GPR158: variants seen among roughly 807,000 people sequenced by gnomAD.
GPR158 encodes the protein metabotropic glycine receptor.
Under a neutral mutation model 78.2 loss-of-function variants are expected in GPR158, and 30 were observed. The observed-to-expected ratio is 0.38, with a 90% CI of 0.29 to 0.52. The LOEUF (loss-of-function observed/expected upper bound fraction) is 0.52. Ranked by LOEUF, GPR158 falls within the 20% of genes least tolerant of loss-of-function variation. GPR158 has a pLI of 0.83. For missense variants in GPR158, 1,463 were observed against 1,523.5 expected, an observed-to-expected ratio of 0.96 and a Z score of 0.66; for synonymous variants, 581 against 591.1, an observed-to-expected ratio of 0.98 and a Z score of 0.25.
rs200629030 is a variant in GPR158, at chr10:25,572,813, G to A, written c.1679G>A (p.Gly560Asp). 7.4e-6 allele frequency: 12 copies of A among 1,613,916 alleles called. No individual in the cohort carries two copies. Among genetic ancestry groups the A allele is most frequent in the Non-Finnish European group, 1.0e-5 (12 of 1,179,888 alleles). ...QNLEKQISLI[G>D]QGKTSDHLIF... is the part of the protein sequence containing the mutation. ...TTGGAGAAACAGATTTCACTTATTG[G>A]CCAGGGGAAAACATCCGATCACCTC... The change falls in exon 7 of 11, where the codon GGC becomes GAC. Residue 560 changes from glycine to aspartate, a missense_variant. Physicochemically the swap from Gly to Asp is moderately conservative, Grantham distance 94. Transcript: ENST00000376351.
chr10:25,294,012 G>C (rs1400833339), intron 2 of GPR158, among the ~76,000 whole-genome samples: 1 of 152,044 alleles, frequency 6.6e-6, no homozygotes, highest in Non-Finnish European at 1.5e-5. Flanking sequence ...CCCAAAGTGC[G>C]GGATTACAGG....
intron 6 of GPR158, among the ~76,000 whole-genome samples, chr10:25,559,355 G>A (rs1836831936): frequency 6.6e-6 from 1 of 152,064 alleles, no homozygotes; most frequent in South Asian, 2.1e-4. Flanking sequence ...TATTCAGTGG[G>A]GTAAGACACT....
intron 1 of GPR158, among the ~76,000 whole-genome samples, chr10:25,214,119 C>G (rs1220026087): frequency 2.0e-5 from 3 of 151,902 alleles, no homozygotes; most frequent in Non-Finnish European, 4.4e-5. Context: ...CTCAGCTTCC[C>G]GAGTAGCTGG....
intron 5 of GPR158, among the ~76,000 whole-genome samples, chr10:25,520,949 C>T (rs1407162181): frequency 6.6e-6 from 1 of 152,160 alleles, no homozygotes; most frequent in Admixed American, 6.5e-5. Flanking sequence ...CAATGGCGGG[C>T]GCCCCTCCCC....
At chr10:25,453,237 A>C (rs972989711) in intron 4 of GPR158, among the ~76,000 whole-genome samples, 3 of 152,178 alleles carry the variant, frequency 2.0e-5, no homozygotes, top group Non-Finnish European at 2.9e-5. Flanking sequence ...TTGAATATAT[A>C]TCTGTTAGTG....
chr10:25,550,516 C>T (rs988451788), intron 5 of GPR158, among the ~76,000 whole-genome samples: 16 of 152,028 alleles, frequency 1.1e-4, no homozygotes, highest in African/African-American at 3.4e-4. Flanking sequence ...GGACTATCCT[C>T]ACTTGTTCGT....
At chr10:25,417,031 A>G (rs531353289) in intron 4 of GPR158, among the ~76,000 whole-genome samples, 4 of 150,004 alleles carry the variant, frequency 2.7e-5, no homozygotes, top group African/African-American at 7.3e-5. Flanking sequence ...AAATGGGAGG[A>G]AAAAAAAAAT....
chr10:25,180,052 G>A (rs946578999), intron 1 of GPR158, among the ~76,000 whole-genome samples: 2 of 152,022 alleles, frequency 1.3e-5, no homozygotes, highest in African/African-American at 4.8e-5. Context: ...AGGGTTTGTT[G>A]AATTTAAAAG....
Position 25,422,124 on chromosome 10 carries a change from A to C in GPR158, c.1335+9651A>C, listed in dbSNP as rs1303688844. Among the ~76,000 whole-genome samples, 6 of 152,204 alleles carry C rather than the reference A, an allele frequency of 3.9e-5. No homozygotes were observed. In the South Asian group the frequency reaches 1.0e-3, roughly 26 times the overall value. On this transcript the variant is annotated intron_variant, in intron 4 of 10. Transcript: ENST00000376351. ...TCACCCACCACCGACTGTTGCTTCT[A>C]TATGGCAACAACGTGGCTCTGGGCA... is the stretch of plus-strand genomic sequence containing the variant.
intron 1 of GPR158, among the ~76,000 whole-genome samples, chr10:25,202,826 C>T (rs1299481843): frequency 9.2e-5 from 14 of 152,184 alleles, no homozygotes; most frequent in Non-Finnish European, 1.8e-4. Context: ...TGAGGAATCA[C>T]CACACTGTCT....
In GPR158 at chr10:25,601,756, C is replaced by T. The variant is rs1837501933; in HGVS notation, c.*2482C>T. 6.6e-6 allele frequency: 1 copy of T among 152,584 alleles called. No individual in the cohort carries two copies. Among genetic ancestry groups the T allele is most frequent in the African/African-American group, 2.4e-5 (1 of 41,422 alleles). 9.5% of individuals were successfully genotyped at this position (152,584 alleles called of 1,614,324 possible). On this transcript the variant is annotated 3_prime_UTR_variant, in exon 11 of 11. Transcript: ENST00000376351. ...GAAAGTGAATAAACACTTTTAAGGT[C>T]GCAAACATTTGCTAGGTTGTCCTTC...
intron 5 of GPR158, among the ~76,000 whole-genome samples, chr10:25,525,638 G>A (rs535110466): frequency 6.6e-6 from 1 of 152,276 alleles, no homozygotes; most frequent in East Asian, 1.9e-4. Context: ...AAGTAGACTA[G>A]TCAGTGGCTG....
At chr10:25,361,801 G>A (rs1343064861) in intron 2 of GPR158, among the ~76,000 whole-genome samples, 4 of 151,832 alleles carry the variant, frequency 2.6e-5, no homozygotes, top group African/African-American at 7.2e-5. Flanking sequence ...TTGATACTTC[G>A]TTGTTGAGTT....
At chr10:25,235,857 C>T (rs960874368) in intron 2 of GPR158, among the ~76,000 whole-genome samples, 19 of 151,828 alleles carry the variant, frequency 1.3e-4, no homozygotes, top group African/African-American at 4.1e-4. Flanking sequence ...CCACCATGCC[C>T]GGCTAATTTT....
chr10:25,467,322 T>A (rs188310112), intron 5 of GPR158, among the ~76,000 whole-genome samples: 17 of 152,278 alleles, frequency 1.1e-4, no homozygotes, highest in Admixed American at 2.0e-4. Context: ...AGATGACAGA[T>A]GTCTCCTATT....
intron 5 of GPR158, among the ~76,000 whole-genome samples, chr10:25,526,453 G>A (rs1248507964): frequency 6.6e-6 from 1 of 151,970 alleles, no homozygotes; most frequent in African/African-American, 2.4e-5. Flanking sequence ...GAAATTGAGG[G>A]GGTAAATTAT....
At chr10:25,392,538 A>G (rs1200074967) in intron 2 of GPR158, among the ~76,000 whole-genome samples, 1 of 152,198 alleles carries the variant, frequency 6.6e-6, no homozygotes, top group East Asian at 1.9e-4. Context: ...TTATATTTTT[A>G]TCAATTTTTA....
intron 5 of GPR158, among the ~76,000 whole-genome samples, chr10:25,525,875 A>G (rs564559458): frequency 7.2e-5 from 11 of 152,090 alleles, no homozygotes; most frequent in Non-Finnish European, 1.3e-4. Context: ...GGGAGGCTGA[A>G]GTGGGTGGAT....
chr10:25,384,022 T>C lies in GPR158; in HGVS notation c.1009-11889T>C, dbSNP rs573459125. 2.4e-4 allele frequency among the ~76,000 whole-genome samples: 36 copies of C among 152,340 alleles called. No homozygotes were observed. The Middle Eastern group carries it at 0.01, about 43-fold the overall frequency. ...TGCTATAGAATTGAGTTAATACTTG[T>C]GCAGCAGTGCCTGGTATGTGGTAAA... On this transcript the variant is annotated intron_variant, in intron 2 of 10. Coordinates refer to ENST00000376351, the MANE Select transcript of GPR158 (RefSeq NM_020752.3).
Sources: gnomAD v4.1 joint callset for allele counts (sites outside exome capture counted in the v4.1 genomes callset) on GRCh38, gnomAD v4.1.1 for gene constraint, MANE v1.5 for transcripts, NCBI Gene and HGNC (gene_info 2026-07-23, HGNC 2026-07-21) for gene names.